The following PTGER3 variants were observed in gnomAD, a reference collection of about 807,000 sequenced individuals.
PTGER3 encodes prostaglandin E receptor 3, also known as prostaglandin E2 receptor EP3 subtype.
PTGER3 carries 22 observed loss-of-function variants against 34.7 expected under a neutral mutation model. The observed-to-expected ratio is 0.63, with a 90% confidence interval of 0.45 to 0.91. The LOEUF (loss-of-function observed/expected upper bound fraction) is 0.91. Ranked by LOEUF, PTGER3 falls within the 40% of genes least tolerant of loss-of-function variation. PTGER3 has a pLI of 0.00. For missense variants in PTGER3, 468 were observed against 519.4 expected (o/e 0.90, Z 0.96); for synonymous variants, 241 against 230.1 (o/e 1.05, Z -0.43).
intron 1 of PTGER3, among the ~76,000 whole-genome samples, chr1:71,024,952 C>T (rs12120041): frequency 0.37 from 56,525 of 151,154 alleles, 11,500 homozygotes; most frequent in South Asian, 0.47. Flanking sequence ...GGTGCATATG[C>T]ACAACGTGCA....
chr1:70,912,285 T>C (rs960671323), intron 4 of PTGER3, among the ~76,000 whole-genome samples: 1 of 152,058 alleles, frequency 6.6e-6, no homozygotes, highest in Non-Finnish European at 1.5e-5. Context: ...ATCTTACATA[T>C]GAAAAGCAAA....
chr1:70,965,969 ATT>A (rs1358093129), downstream of PTGER3, among the ~76,000 whole-genome samples: 1 of 152,218 alleles, frequency 6.6e-6, no homozygotes, highest in Non-Finnish European at 1.5e-5. Context: ...GAGATTTAGC[ATT>A]TGAGTTTTAT....
chr1:70,879,508 A>G (rs777586105), intron 4 of PTGER3, among the ~76,000 whole-genome samples: 3 of 152,130 alleles, frequency 2.0e-5, no homozygotes, highest in African/African-American at 4.8e-5. Flanking sequence ...TTGGCCTCCT[A>G]AAGTGCTGGG....
chr1:70,945,013 T>A (rs569779091), intron 4 of PTGER3, among the ~76,000 whole-genome samples: 1 of 152,108 alleles, frequency 6.6e-6, no homozygotes, highest in Non-Finnish European at 1.5e-5. Flanking sequence ...GTCTCCAGAT[T>A]GTTTCTACTG....
At chr1:70,969,430 A>G (rs1032960819), downstream of PTGER3, among the ~76,000 whole-genome samples, 1 of 152,160 alleles carries the variant, frequency 6.6e-6, no homozygotes, top group African/African-American at 2.4e-5. Context: ...GGTGTCAAAC[A>G]CTACACTAGT....
chr1:70,929,372 A>G (rs2100489395), intron 4 of PTGER3, among the ~76,000 whole-genome samples: 1 of 152,340 alleles, frequency 6.6e-6, no homozygotes, highest in East Asian at 1.9e-4. Flanking sequence ...TAATTTAAAT[A>G]CATTCATGTA....
At chr1:70,879,673 C>A (rs1646346605) in intron 4 of PTGER3, among the ~76,000 whole-genome samples, 1 of 152,182 alleles carries the variant, frequency 6.6e-6, no homozygotes, top group Admixed American at 6.5e-5. Context: ...TACTTTGAAT[C>A]TATGGGTGTC....
intron 4 of PTGER3, among the ~76,000 whole-genome samples, chr1:70,919,801 G>C (rs1407471433): frequency 6.6e-6 from 1 of 152,134 alleles, no homozygotes; most frequent in Non-Finnish European, 1.5e-5. Context: ...AAAATCATTA[G>C]AAGCCAGAAT....
At chr1:70,921,387 C>T (rs1220103401) in intron 4 of PTGER3, among the ~76,000 whole-genome samples, 1 of 152,096 alleles carries the variant, frequency 6.6e-6, no homozygotes, top group African/African-American at 2.4e-5. Flanking sequence ...GCTTTTCTTT[C>T]TCTCTCTCTG....
intron 4 of PTGER3, among the ~76,000 whole-genome samples, chr1:70,895,180 A>G (rs1250488907): frequency 3.3e-5 from 5 of 152,198 alleles, no homozygotes; most frequent in Admixed American, 1.3e-4. Flanking sequence ...TACAAATAAT[A>G]TTTAAGCCAC....
intron 4 of PTGER3, among the ~76,000 whole-genome samples, chr1:70,944,472 A>T (rs1377310439): frequency 2.0e-5 from 3 of 152,152 alleles, no homozygotes; most frequent in Non-Finnish European, 2.9e-5. Context: ...GATTCTTCAC[A>T]CATCATTTGA....
chr1:71,047,409 T>C lies in PTGER3; in HGVS notation c.169A>G (p.Thr57Ala), dbSNP rs1277366743. 9.3e-6 allele frequency: 15 copies of C among 1,611,686 alleles called. No individual in the cohort carries two copies. The highest frequency in any genetic ancestry group is 1.3e-5 in the Non-Finnish European group (15 of 1,179,668). ...CCCACGAAACCAGTGAGCAGCATGG[T>C]GATCGGGAAGGCCACGGACACCGAT... ...CGSVSVAFPI[T>A]MLLTGFVGNA... Residue 57 changes from threonine to alanine, a missense_variant, in exon 1 of 4, where the codon ACC becomes GCC. Transcript: ENST00000306666.
intron 4 of PTGER3, among the ~76,000 whole-genome samples, chr1:70,891,570 A>G (rs1646618568): frequency 6.6e-6 from 1 of 152,244 alleles, no homozygotes; most frequent in South Asian, 2.1e-4. Context: ...GGAGGACATC[A>G]AATGATCTTT....
At chr1:70,931,496 C>T (rs1262629800) in intron 4 of PTGER3, among the ~76,000 whole-genome samples, 1 of 152,218 alleles carries the variant, frequency 6.6e-6, no homozygotes, top group Non-Finnish European at 1.5e-5. Context: ...GGGTCCTGCC[C>T]CTGCAGCAAA....
chr1:70,863,293 GTGA>G (rs1645968209), intron 4 of PTGER3, among the ~76,000 whole-genome samples: 2 of 152,130 alleles, frequency 1.3e-5, no homozygotes, highest in South Asian at 4.1e-4. Flanking sequence ...ATAGCAAAGT[GTGA>G]TATCACCTAC....
At chr1:70,991,046 G>T (rs1655433595) in intron 2 of PTGER3, among the ~76,000 whole-genome samples, 1 of 152,058 alleles carries the variant, frequency 6.6e-6, no homozygotes, top group South Asian at 2.1e-4. Flanking sequence ...CATTGACCTT[G>T]GGCTTCCATT....
At chr1:70,889,994 C>T (rs796129537) in intron 4 of PTGER3, among the ~76,000 whole-genome samples, 42 of 152,214 alleles carry the variant, frequency 2.8e-4, no homozygotes, top group African/African-American at 9.9e-4. Flanking sequence ...AACTGAAGTA[C>T]ATTAAACATG....
chr1:71,038,285 T>C (rs1660005535), intron 1 of PTGER3, among the ~76,000 whole-genome samples: 2 of 152,216 alleles, frequency 1.3e-5, no homozygotes, highest in Admixed American at 1.3e-4. Context: ...GTGGAAAGTA[T>C]ATGTTTTAAA....
At chr1:70,876,246 A>C (rs527993929) in intron 4 of PTGER3, among the ~76,000 whole-genome samples, 1 of 148,418 alleles carries the variant, frequency 6.7e-6, no homozygotes, top group East Asian at 2.0e-4. Context: ...TCTTTTGGAC[A>C]CAGTCTGTTC....
Sources: gnomAD v4.1 joint callset for allele counts (sites outside exome capture counted in the v4.1 genomes callset) on GRCh38, gnomAD v4.1.1 for gene constraint, MANE v1.5 for transcripts, NCBI Gene and HGNC (gene_info 2026-07-23, HGNC 2026-07-21) for gene names.